NAALADL2: variants seen among roughly 807,000 people sequenced by gnomAD.
The protein encoded by NAALADL2 is inactive N-acetylated-alpha-linked acidic dipeptidase-like protein 2.
Under a neutral mutation model 87.2 loss-of-function variants are expected in NAALADL2, and 76 were observed. The ratio of observed to expected loss-of-function variants is 0.87; its 90% confidence interval spans 0.72 to 1.05. NAALADL2 has a LOEUF of 1.05. Ranked by LOEUF, NAALADL2 falls within the 50% of genes least tolerant of loss-of-function variation. The pLI, the probability that NAALADL2 is intolerant of heterozygous loss-of-function variation, is 0.00. For synonymous variants in NAALADL2, 354 were observed against 331.0 expected (o/e 1.07, Z -0.75); for missense variants, 1,089 against 945.8 (o/e 1.15, Z -1.99).
chr3:175,722,560 A>C (rs1742379777), intron 11 of NAALADL2, among the ~76,000 whole-genome samples: 1 of 152,160 alleles, frequency 6.6e-6, no homozygotes, highest in African/African-American at 2.4e-5. Context: ...AACGAAGGTA[A>C]AAATAAAATA....
At chr3:175,399,693 G>A (rs1406791981) in intron 5 of NAALADL2, among the ~76,000 whole-genome samples, 1 of 152,058 alleles carries the variant, frequency 6.6e-6, no homozygotes, top group Non-Finnish European at 1.5e-5. Context: ...TGTCAGCAAG[G>A]TCTTTATGAC....
intron 2 of NAALADL2, among the ~76,000 whole-genome samples, chr3:174,663,171 A>G (rs1404208910): frequency 2.6e-5 from 4 of 152,172 alleles, no homozygotes; most frequent in African/African-American, 9.6e-5. Context: ...ATATAAATAT[A>G]CTAGTGAATA....
Position 175,670,944 on chromosome 3 carries a change from C to T in NAALADL2, c.1896+43558C>T, listed in dbSNP as rs11919298. ...CAATTTAGGATATTCCTAGTACATA[C>T]GTAAATTACCTTATTTTGATCTTCT... On this transcript the variant is annotated intron_variant, in intron 11 of 13. Transcript: ENST00000454872. Among the ~76,000 whole-genome samples, 176 of 151,240 alleles carry T rather than the reference C, an allele frequency of 1.2e-3. 1 individual carries two copies. Among genetic ancestry groups the T allele is most frequent in the African/African-American group, 3.9e-3 (161 of 41,292 alleles).
At chr3:175,772,088 A>G (rs1442093795) in intron 13 of NAALADL2, among the ~76,000 whole-genome samples, 1 of 152,180 alleles carries the variant, frequency 6.6e-6, no homozygotes, top group African/African-American at 2.4e-5. Context: ...AACCGTATCA[A>G]CATCTGCAAA....
intron 1 of NAALADL2, among the ~76,000 whole-genome samples, chr3:175,039,952 C>A (rs923583380): frequency 6.6e-6 from 1 of 152,026 alleles, no homozygotes; most frequent in Non-Finnish European, 1.5e-5. Flanking sequence ...ACTGATTATA[C>A]TCAGTTTTTA....
intron 5 of NAALADL2, among the ~76,000 whole-genome samples, chr3:175,445,318 A>T (rs929116700): frequency 1.3e-5 from 2 of 152,074 alleles, no homozygotes; most frequent in African/African-American, 4.8e-5. Flanking sequence ...GAAGTTATAG[A>T]TGCATTTAGT....
chr3:174,497,698 C>T (rs1336847573), intron 1 of NAALADL2, among the ~76,000 whole-genome samples: 4 of 152,068 alleles, frequency 2.6e-5, no homozygotes, highest in Non-Finnish European at 5.9e-5. Context: ...ATCTTTTTAT[C>T]TTTTGAAGCT....
chr3:175,517,783 A>G (rs7626331), intron 9 of NAALADL2, among the ~76,000 whole-genome samples: 2,261 of 152,228 alleles, frequency 0.015, 62 homozygotes, highest in African/African-American at 0.052. Context: ...CTCTTGAGAG[A>G]GAGAAGGGCA....
chr3:174,923,382 ATAAC>A (rs1024888878), intron 1 of NAALADL2, among the ~76,000 whole-genome samples: 37 of 152,306 alleles, frequency 2.4e-4, no homozygotes, highest in African/African-American at 8.4e-4. Flanking sequence ...TATTTAATCA[ATAAC>A]TAAATATTAT....
At chr3:174,657,066 G>A (rs1178285064) in intron 2 of NAALADL2, among the ~76,000 whole-genome samples, 28 of 97,528 alleles carry the variant, frequency 2.9e-4, no homozygotes, top group Non-Finnish European at 4.5e-4. Context: ...TTTTTGCTCC[G>A]TTGCCTAGAT....
chr3:175,034,314 G>T (rs1238941411), intron 1 of NAALADL2, among the ~76,000 whole-genome samples: 7 of 152,122 alleles, frequency 4.6e-5, no homozygotes, highest in Non-Finnish European at 1.0e-4. Flanking sequence ...TTTAAAGCCA[G>T]ATACAAGTTC....
chr3:175,058,652 T>C (rs1712755643), intron 1 of NAALADL2, among the ~76,000 whole-genome samples: 1 of 152,128 alleles, frequency 6.6e-6, no homozygotes, highest in South Asian at 2.1e-4. Flanking sequence ...ATGCAGACAC[T>C]CTGTGTCTGT....
At chr3:175,667,240 AAAAAGAAAGAAAGAAAGAAAGAAAGG>A (rs1414436978) in intron 11 of NAALADL2, among the ~76,000 whole-genome samples, 47 of 88,232 alleles carry the variant, frequency 5.3e-4, no homozygotes, top group African/African-American at 3.2e-3. Context: ...AGAAAGAAAG[AAAAAGAAAGAAAGAAAGAAAGAAAGG>A]AAGGAAGGGA....
At chr3:174,749,196 A>G (rs1224087388) in intron 3 of NAALADL2, among the ~76,000 whole-genome samples, 1 of 152,154 alleles carries the variant, frequency 6.6e-6, no homozygotes, top group East Asian at 1.9e-4. Context: ...AACCAGTTAC[A>G]TGTATCTTTC....
chr3:175,421,954 T>C (rs1715777963), intron 5 of NAALADL2, among the ~76,000 whole-genome samples: 1 of 151,980 alleles, frequency 6.6e-6, no homozygotes, highest in African/African-American at 2.4e-5. Context: ...TTGTCTGCTG[T>C]GATTGAAGAA....
At chr3:175,275,829 A>G (rs139195093) in intron 4 of NAALADL2, among the ~76,000 whole-genome samples, 40 of 150,900 alleles carry the variant, frequency 2.7e-4, no homozygotes, top group African/African-American at 9.7e-4. Context: ...TACTCATTTT[A>G]TTATTATTAA....
chr3:174,685,027 A>G (rs559140888), intron 2 of NAALADL2, among the ~76,000 whole-genome samples: 2 of 151,620 alleles, frequency 1.3e-5, no homozygotes, highest in Non-Finnish European at 2.9e-5. Flanking sequence ...ATTTTTAGGG[A>G]TCTTTTTTTA....
At chr3:175,447,615 A>C (rs2149223353) in intron 6 of NAALADL2, among the ~76,000 whole-genome samples, 1 of 152,352 alleles carries the variant, frequency 6.6e-6, no homozygotes. Flanking sequence ...CTACAAAGAA[A>C]AGTAGCTTTA....
At chr3:174,729,072 T>G (rs1217248266) in intron 2 of NAALADL2, among the ~76,000 whole-genome samples, 5 of 152,014 alleles carry the variant, frequency 3.3e-5, no homozygotes, top group African/African-American at 1.2e-4. Context: ...ATAGTCAATC[T>G]TAATAAAATC....
Sources: gnomAD v4.1 joint callset for allele counts (sites outside exome capture counted in the v4.1 genomes callset) on GRCh38, gnomAD v4.1.1 for gene constraint, MANE v1.5 for transcripts, NCBI Gene and HGNC (gene_info 2026-07-23, HGNC 2026-07-21) for gene names.